Variants in TCTN3 observed in about 807,000 individuals in gnomAD.
TCTN3 encodes tectonic-3.
TCTN3 carries 57 observed loss-of-function variants against 71.3 expected under a neutral mutation model. The observed-to-expected ratio is 0.80, with a 90% CI of 0.65 to 1.00. TCTN3 has a LOEUF of 1.00. Ranked by LOEUF, TCTN3 falls within the 50% of genes least tolerant of loss-of-function variation. The pLI is 0.00. For missense variants in TCTN3, 696 were observed against 719.9 expected (o/e 0.97, Z 0.38); for synonymous variants, 258 against 267.8 (o/e 0.96, Z 0.36).
At chr10:95,687,021 G>A (rs1359816533) in intron 6 of TCTN3, 23 bp downstream of exon 6, 2 of 1,561,146 alleles carry the variant, frequency 1.3e-6, no homozygotes, top group East Asian at 2.2e-5. Context: ...TAGTGACAGT[G>A]TAGGGAGAGA....
At chr10:95,685,405 T>C (rs2097947277) in intron 8 of TCTN3, 151 bp downstream of exon 8, 1 of 538,528 alleles carries the variant, frequency 1.9e-6, no homozygotes, top group Non-Finnish European at 3.3e-6. Context: ...CAACCAAGAA[T>C]CTACCAATAC....
chr10:95,688,945 T>A (rs1281277100), intron 3 of TCTN3, among the ~76,000 whole-genome samples: 1 of 152,176 alleles, frequency 6.6e-6, no homozygotes, highest in Non-Finnish European at 1.5e-5. Flanking sequence ...CCTTGCCAGT[T>A]TCATTCTTCA....
chr10:95,687,817 G>T, intron 3 of TCTN3, 98 bp from the exon 4 acceptor site: 1 of 1,386,848 alleles, frequency 7.2e-7, no homozygotes. Context: ...AATATACAGG[G>T]TGCAAATCTT....
chr10:95,687,328 G>C lies in TCTN3; in HGVS notation c.655C>G (p.Pro219Ala), dbSNP rs1272857788. The C allele has an allele frequency of 6.2e-7, 1 of 1,613,764 alleles. No homozygotes were observed. The highest frequency in any genetic ancestry group is 8.5e-7 in the Non-Finnish European group (1 of 1,179,950). The change falls in exon 5 of 14, where the codon CCC becomes GCC. Residue 219 changes from proline (P) to alanine (A), a missense_variant. Pro to Ala is a conservative substitution (Grantham distance 27, BLOSUM62 -1). Transcript: ENST00000371217. Reference protein sequence around the residue: ...RAGDPILTYFPKWSVISLLRQ... With the variant: ...RAGDPILTYFAKWSVISLLRQ... The stretch of plus-strand genomic sequence containing the variant: ...AGCAAGCTTATTACAGACCACTTGG[G>C]GAAGTAAGTAAGAATGGGGTCCCCA...
intron 7 of TCTN3, 58 bp downstream of exon 7, chr10:95,686,437 T>C: frequency 1.3e-6 from 2 of 1,571,556 alleles, no homozygotes; most frequent in East Asian, 2.2e-5. Context: ...TAAAATTGCC[T>C]CAGATGCAGA....
In TCTN3 at chr10:95,687,354, G is replaced by A; in HGVS notation, c.629C>T (p.Ala210Val). 1.2e-6 allele frequency: 2 copies of A among 1,602,664 alleles called. No individual in the cohort carries two copies. The highest frequency in any genetic ancestry group is 1.7e-6 in the Non-Finnish European group (2 of 1,176,610). ...QTQSPPSFYRAGDPILTYFPK... is the reference protein window; with the variant it reads ...QTQSPPSFYRVGDPILTYFPK... ...GAAGTAAGTAAGAATGGGGTCCCCAGCCTGAATAAAATATAAAAGAAACTT... is the reference window on the plus strand; with the variant it reads ...GAAGTAAGTAAGAATGGGGTCCCCAACCTGAATAAAATATAAAAGAAACTT... Residue 210 changes from alanine (A) to valine (V), a missense_variant and splice_region_variant, in exon 5 of 14, where the codon GCT becomes GTT. Coordinates refer to ENST00000371217, the MANE Select transcript of TCTN3 (RefSeq NM_015631.6).
At chr10:95,683,766 C>T in intron 9 of TCTN3, 137 bp from the exon 10 acceptor site, 2 of 626,692 alleles carry the variant, frequency 3.2e-6, no homozygotes, top group Admixed American at 3.4e-5. Flanking sequence ...GGCTTCTTTC[C>T]ACAGTGTAGC....
intron 3 of TCTN3, among the ~76,000 whole-genome samples, chr10:95,691,818 C>T (rs2097953773): frequency 6.6e-6 from 1 of 152,156 alleles, no homozygotes; most frequent in African/African-American, 2.4e-5. Context: ...TTGTACTCTA[C>T]AGTTGTAGAG....
chr10:95,690,243 C>T (rs966600801), intron 3 of TCTN3, among the ~76,000 whole-genome samples: 11 of 152,132 alleles, frequency 7.2e-5, no homozygotes, highest in Non-Finnish European at 1.6e-4. Flanking sequence ...CCTGACCTCC[C>T]AAAGTGCTGG....
rs1258899537 is a variant in TCTN3, at chr10:95,664,114, T to A, written c.1777A>T (p.Ile593Phe). 1 of 1,614,116 alleles carries A rather than the reference T, an allele frequency of 6.2e-7. No individual in the cohort carries two copies. Among genetic ancestry groups the A allele is most frequent in the East Asian group, 2.2e-5 (1 of 44,872 alleles). Residue 593 changes from isoleucine (I) to phenylalanine (F), a missense_variant, in exon 14 of 14, where the codon ATC (isoleucine) becomes TTC (phenylalanine). Transcript: ENST00000371217. ...ACTCCAAGTAGTAAGAGGCACAGGA[T>A]AAGGATGGGAGAGACTGAGCATTTT... ...SQKCSVSPIL[I>F]LCLLLLGVLN...
chr10:95,680,347 A>T, intron 13 of TCTN3, 125 bp downstream of exon 13: 1 of 1,161,940 alleles, frequency 8.6e-7, no homozygotes, highest in Non-Finnish European at 1.1e-6. Flanking sequence ...AGCTCACTTT[A>T]AACAAACATT....
At chr10:95,673,117 C>T (rs1036464844) in intron 13 of TCTN3, among the ~76,000 whole-genome samples, 1 of 152,118 alleles carries the variant, frequency 6.6e-6, no homozygotes, top group African/African-American at 2.4e-5. Context: ...GAAACTTTTT[C>T]TCCCAAACTA....
intron 13 of TCTN3, among the ~76,000 whole-genome samples, chr10:95,673,848 GA>G (rs1175974945): frequency 6.6e-6 from 1 of 152,128 alleles, no homozygotes; most frequent in African/African-American, 2.4e-5. Context: ...CTGTCTCTAA[GA>G]AGTAAATAGA....
chr10:95,663,828 T>C lies in TCTN3; in HGVS notation c.*239A>G, dbSNP rs1001386294. On this transcript the variant is annotated 3_prime_UTR_variant, in exon 14 of 14. Coordinates refer to ENST00000371217, the MANE Select transcript of TCTN3 (RefSeq NM_015631.6). The stretch of plus-strand genomic sequence containing the variant: ...CTCTTGGCCTTCCCAGCTTGAGAAG[T>C]AGGGGCCTCATGTGTATCTGGTGGC... The C allele has an allele frequency of 9.2e-6, 4 of 432,716 alleles. No homozygotes were observed. The highest frequency in any genetic ancestry group is 5.9e-5 in the African/African-American group (3 of 50,432). 26.8% of individuals were successfully genotyped at this position (432,716 alleles called of 1,614,324 possible). A position where few individuals can be genotyped will look rare whatever the true frequency, so the allele number is the denominator to read the frequency against.
intron 13 of TCTN3, among the ~76,000 whole-genome samples, chr10:95,670,469 C>T (rs2097929881): frequency 6.6e-6 from 1 of 151,902 alleles, no homozygotes; most frequent in African/African-American, 2.4e-5. Context: ...AGGTGATTCT[C>T]CCACCTCAGC....
chr10:95,692,513 A>G (rs1049620304), intron 3 of TCTN3, among the ~76,000 whole-genome samples: 2 of 152,176 alleles, frequency 1.3e-5, no homozygotes, highest in African/African-American at 4.8e-5. Context: ...CTCAAAAAAA[A>G]ACAAAAATGC....
chr10:95,672,685 CTTTTTTTTTTTTTT>C (rs766029244), intron 13 of TCTN3, among the ~76,000 whole-genome samples: 1 of 80,374 alleles, frequency 1.2e-5, no homozygotes, highest in African/African-American at 4.8e-5. Flanking sequence ...CTGTTCAAAT[CTTTTTTTTTTTTTT>C]TTTTTTTTTT....
intron 12 of TCTN3, 136 bp downstream of exon 12, chr10:95,682,515 G>A: frequency 9.7e-7 from 1 of 1,035,696 alleles, no homozygotes; most frequent in Non-Finnish European, 1.3e-6. Context: ...GGCTTCAAGT[G>A]GGCATGATTT....
intron 9 of TCTN3, 48 bp downstream of exon 9, chr10:95,684,451 C>T (rs2097946248): frequency 6.3e-7 from 1 of 1,585,640 alleles, no homozygotes; most frequent in Non-Finnish European, 8.6e-7. Context: ...TTATTTCTAA[C>T]CCAATATTTC....
Sources: gnomAD v4.1 joint callset for allele counts (sites outside exome capture counted in the v4.1 genomes callset) on GRCh38, gnomAD v4.1.1 for gene constraint, MANE v1.5 for transcripts, NCBI Gene and HGNC (gene_info 2026-07-23, HGNC 2026-07-21) for gene names.